DUSP10: variants seen among roughly 807,000 people sequenced by gnomAD.
DUSP10 encodes dual specificity phosphatase 10, also known as dual specificity protein phosphatase 10.
DUSP10 carries 14 observed loss-of-function variants against 30.8 expected under a neutral mutation model. That is an observed-to-expected ratio of 0.46 (90% CI 0.30 to 0.71). The LOEUF (loss-of-function observed/expected upper bound fraction) is 0.71, where lower values mean the gene tolerates loss of function less well. Among genes scored for constraint, DUSP10 ranks in the 30% least tolerant of loss-of-function variants. The pLI, the probability that DUSP10 is intolerant of heterozygous loss-of-function variation, is 0.08. For missense variants in DUSP10, 550 were observed against 619.4 expected, an observed-to-expected ratio of 0.89 and a Z score of 1.19; for synonymous variants, 254 against 250.4, an observed-to-expected ratio of 1.01 and a Z score of -0.14.
chr1:221,738,132 C>T (rs1661835298), intron 2 of DUSP10, among the ~76,000 whole-genome samples: 1 of 152,184 alleles, frequency 6.6e-6, no homozygotes, highest in South Asian at 2.1e-4. Flanking sequence ...ATGGAAGGTG[C>T]TCCGAGAAGA....
At chr1:221,720,839 A>T (rs565174544) in intron 2 of DUSP10, among the ~76,000 whole-genome samples, 1 of 152,346 alleles carries the variant, frequency 6.6e-6, no homozygotes, top group East Asian at 1.9e-4. Flanking sequence ...CTTTTATCAT[A>T]TCATGAAGTT....
intron 2 of DUSP10, among the ~76,000 whole-genome samples, chr1:221,720,633 G>A (rs1661255619): frequency 1.3e-5 from 2 of 152,140 alleles, no homozygotes; most frequent in Non-Finnish European, 2.9e-5. Context: ...AAATTAAGTT[G>A]CAAGACATTC....
intron 2 of DUSP10, among the ~76,000 whole-genome samples, chr1:221,736,100 G>A (rs1370434558): frequency 6.6e-6 from 1 of 152,182 alleles, no homozygotes; most frequent in African/African-American, 2.4e-5. Context: ...CTTAATCCCA[G>A]GGGCTGCCAT....
At chr1:221,713,320 G>C (rs2102623656) in intron 2 of DUSP10, among the ~76,000 whole-genome samples, 1 of 152,270 alleles carries the variant, frequency 6.6e-6, no homozygotes, top group East Asian at 1.9e-4. Flanking sequence ...ATGCAGAGTG[G>C]GGGTTGGGGC....
chr1:221,706,557 C>T lies in DUSP10; in HGVS notation c.812-91G>A. 2.1e-6 allele frequency: 2 copies of T among 942,676 alleles called. No homozygotes were observed. Among genetic ancestry groups the T allele is most frequent in the Admixed American group, 2.9e-5 (1 of 34,784 alleles). The allele number at this position is 942,676 out of a possible 1,614,324, so 58.4% of individuals were successfully genotyped here. A position where few individuals can be genotyped will look rare whatever the true frequency, so the allele number is the denominator to read the frequency against. On this transcript the variant is annotated intron_variant, in intron 2 of 3. Coordinates refer to ENST00000366899, the MANE Select transcript of DUSP10 (RefSeq NM_007207.6). This position sits in a 1 kb window ranked among gnomAD's most constrained non-coding sequence, Gnocchi z 4.6. ...CCATTAGAATGAGTTTGCATTGTAG[C>T]TCATGCATATTTTAAATACATATAT...
chr1:221,737,386 C>G, intron 2 of DUSP10: 1 of 985,342 alleles, frequency 1.0e-6, no homozygotes, highest in Non-Finnish European at 1.2e-6. Context: ...TTGTAAGAGG[C>G]TAGACACATC....
Position 221,701,798 on chromosome 1 carries a change from C to T in DUSP10, c.*614G>A, listed in dbSNP as rs1247209304. The T allele has an allele frequency of 6.6e-6, 1 of 151,324 alleles. No individual in the cohort carries two copies. Among genetic ancestry groups the T allele is most frequent in the Admixed American group, 6.6e-5 (1 of 15,168 alleles). The allele number at this position is 151,324 out of a possible 1,614,324, so 9.4% of individuals were successfully genotyped here. A position where few individuals can be genotyped will look rare whatever the true frequency, so the allele number is the denominator to read the frequency against. ...TTCCTCACTATTTCAAAAAAAATCT[C>T]TTAAACCCAGAGAAGGAAAAAAAAA... On this transcript the variant is annotated 3_prime_UTR_variant, in exon 4 of 4. Coordinates refer to ENST00000366899, the MANE Select transcript of DUSP10 (RefSeq NM_007207.6).
chr1:221,710,048 C>A lies in DUSP10; in HGVS notation c.812-3582G>T, dbSNP rs146546521. 2.3e-3 allele frequency among the ~76,000 whole-genome samples: 346 copies of A among 152,284 alleles called. 1 individual carries two copies. The highest frequency in any genetic ancestry group is 7.7e-3 in the African/African-American group (322 of 41,554). The stretch of plus-strand genomic sequence containing the variant: ...AGCAGCTGTGAGACCCTGTGCAAGT[C>A]AGGTTCCCTCATTAAGCCTCAGTTT... On this transcript the variant is annotated intron_variant, in intron 2 of 3. Transcript: ENST00000366899.
At chr1:221,712,776 G>GAAAAAA (rs1558118471) in intron 2 of DUSP10, among the ~76,000 whole-genome samples, 1 of 10,564 alleles carries the variant, frequency 9.5e-5, no homozygotes, top group South Asian at 3.1e-3. Flanking sequence ...ATATAAAGCA[G>GAAAAAA]CAAAAAAAAA....
At chr1:221,735,971 T>C (rs967634864) in intron 2 of DUSP10, among the ~76,000 whole-genome samples, 4 of 152,234 alleles carry the variant, frequency 2.6e-5, no homozygotes, top group South Asian at 2.1e-4. Context: ...ATTTGGATCA[T>C]TTTCACCAGG....
intron 2 of DUSP10, among the ~76,000 whole-genome samples, chr1:221,717,328 G>A (rs938532103): frequency 6.6e-6 from 1 of 152,006 alleles, no homozygotes; most frequent in African/African-American, 2.4e-5. Context: ...AGGGAGGCAG[G>A]GACCCTCCTC....
intron 2 of DUSP10, among the ~76,000 whole-genome samples, chr1:221,734,892 A>G (rs1661717110): frequency 6.6e-6 from 1 of 152,118 alleles, no homozygotes; most frequent in Non-Finnish European, 1.5e-5. Flanking sequence ...AGAAAAGGGG[A>G]GACTTTTATT....
At chr1:221,730,345 C>A (rs892555568) in intron 2 of DUSP10, among the ~76,000 whole-genome samples, 23 of 152,288 alleles carry the variant, frequency 1.5e-4, no homozygotes, top group South Asian at 4.1e-4. Context: ...AAAGGGAGGA[C>A]AGGCCTGATG....
At chr1:221,741,154 C>G (rs1222720337) in intron 1 of DUSP10, among the ~76,000 whole-genome samples, 2 of 152,236 alleles carry the variant, frequency 1.3e-5, no homozygotes, top group African/African-American at 2.4e-5. Flanking sequence ...TCTCCAACGA[C>G]TCGGGTTTCT....
At chr1:221,705,699 C>G (rs1235922238) in intron 3 of DUSP10, among the ~76,000 whole-genome samples, 1 of 152,184 alleles carries the variant, frequency 6.6e-6, no homozygotes, top group Non-Finnish European at 1.5e-5. Context: ...CTAGATATTG[C>G]TTCCAAGGTG....
rs563513528 is a variant in DUSP10, at chr1:221,710,223, T to C, written c.812-3757A>G. Among the ~76,000 whole-genome samples, 4 of 152,314 alleles carry C rather than the reference T, an allele frequency of 2.6e-5. No homozygotes were observed. In the South Asian group the frequency reaches 8.3e-4, roughly 32 times the overall value. The stretch of plus-strand genomic sequence containing the variant: ...CACCTTTGTTCTAAATTCCAACAGA[T>C]CTATGCACACGCATAGTCCATGAGA... On this transcript the variant is annotated intron_variant, in intron 2 of 3. Coordinates refer to ENST00000366899, the MANE Select transcript of DUSP10 (RefSeq NM_007207.6).
intron 2 of DUSP10, among the ~76,000 whole-genome samples, chr1:221,724,139 C>A (rs929544610): frequency 2.0e-5 from 3 of 152,170 alleles, no homozygotes. Flanking sequence ...TATTATACAA[C>A]AGTTTCTTAG....
At chr1:221,708,658 G>A (rs1660838836) in intron 2 of DUSP10, among the ~76,000 whole-genome samples, 2 of 152,152 alleles carry the variant, frequency 1.3e-5, no homozygotes, top group Admixed American at 1.3e-4. Context: ...TAATTCTGAA[G>A]TAGAAGAAAG....
At chr1:221,737,430 C>T (rs1661811121) in intron 2 of DUSP10, 1 of 985,260 alleles carries the variant, frequency 1.0e-6, no homozygotes, top group Non-Finnish European at 1.2e-6. Context: ...GGGTAAATAT[C>T]CTGGGAATCA....
Sources: gnomAD v4.1 joint callset for allele counts (sites outside exome capture counted in the v4.1 genomes callset) on GRCh38, gnomAD v4.1.1 for gene constraint, Gnocchi (gnomAD v3.1) non-coding constraint, MANE v1.5 for transcripts, NCBI Gene and HGNC (gene_info 2026-07-23, HGNC 2026-07-21) for gene names.